Variants in MBP observed in about 807,000 individuals in gnomAD.
The protein encoded by MBP is Golli-MBP.
MBP carries 16 observed loss-of-function variants against 35.8 expected under a neutral mutation model. The observed-to-expected ratio is 0.45, with a 90% CI of 0.30 to 0.68. The LOEUF (loss-of-function observed/expected upper bound fraction) is 0.68, where lower values mean the gene tolerates loss of function less well. Ranked by LOEUF, MBP falls within the 30% of genes least tolerant of loss-of-function variation. The pLI, the probability that MBP is intolerant of heterozygous loss-of-function variation, is 0.08. For missense variants in MBP, 380 were observed against 404.7 expected, an observed-to-expected ratio of 0.94 and a Z score of 0.52; for synonymous variants, 143 against 159.6, an observed-to-expected ratio of 0.90 and a Z score of 0.78.
intron 4 of MBP, among the ~76,000 whole-genome samples, chr18:76,993,705 G>C (rs1837450934): frequency 6.6e-6 from 1 of 152,184 alleles, no homozygotes; most frequent in Non-Finnish European, 1.5e-5. Flanking sequence ...CTCAGGCACA[G>C]AGCGCAGCTC....
At position 76,980,401 on chromosome 18, in the gene MBP, A is replaced by G; in HGVS notation, c.*26T>C. 1.2e-6 allele frequency: 2 copies of G among 1,606,890 alleles called. No individual in the cohort carries two copies. The highest frequency in any genetic ancestry group is 1.7e-6 in the Non-Finnish European group (2 of 1,173,484). ...AGGCAGTTATATTAAGAAGCTGAGG[A>G]CAGGATTCCGGAACCAGGTGGGTTT... is the stretch of plus-strand genomic sequence containing the variant. On this transcript the variant is annotated 3_prime_UTR_variant, in exon 9 of 9. Transcript: ENST00000355994.
At chr18:77,012,107 G>T (rs1971387434) in intron 4 of MBP, among the ~76,000 whole-genome samples, 1 of 152,232 alleles carries the variant, frequency 6.6e-6, no homozygotes, top group Admixed American at 6.5e-5. Flanking sequence ...GACATGAAAG[G>T]CAGGACCGCA....
intron 3 of MBP, among the ~76,000 whole-genome samples, chr18:77,034,042 C>A: frequency 8.1e-6 from 1 of 123,394 alleles, no homozygotes; most frequent in Admixed American, 8.4e-5. Context: ...TGATTGTTAC[C>A]TAATGGGGCA....
At chr18:77,048,032 G>A (rs2144673848) in intron 3 of MBP, among the ~76,000 whole-genome samples, 1 of 152,304 alleles carries the variant, frequency 6.6e-6, no homozygotes. Flanking sequence ...TAAAAAATAG[G>A]CTAATTATCA....
intron 3 of MBP, among the ~76,000 whole-genome samples, chr18:77,040,016 T>G (rs573649949): frequency 3.3e-5 from 5 of 152,206 alleles, no homozygotes; most frequent in Non-Finnish European, 7.3e-5. Flanking sequence ...ATTACTCTGG[T>G]GATTGAGGAC....
At chr18:77,115,893 G>T (rs1447926889) in intron 1 of MBP, among the ~76,000 whole-genome samples, 4 of 151,062 alleles carry the variant, frequency 2.6e-5, no homozygotes, top group East Asian at 2.0e-4. Flanking sequence ...TCAAGGAAAA[G>T]AAGGCAATGT....
chr18:77,053,069 C>G (rs1305542606), intron 3 of MBP, among the ~76,000 whole-genome samples: 1 of 152,236 alleles, frequency 6.6e-6, no homozygotes, highest in East Asian at 1.9e-4. Flanking sequence ...AGAAGCCAAC[C>G]AATGCCGTGT....
At chr18:77,024,271 C>T (rs1010175029) in intron 3 of MBP, among the ~76,000 whole-genome samples, 1 of 151,936 alleles carries the variant, frequency 6.6e-6, no homozygotes, top group Admixed American at 6.5e-5. Flanking sequence ...TTTAGCTCAT[C>T]AACTATTGTT....
chr18:76,988,044 T>C lies in MBP; in HGVS notation c.750+451A>G. 1.4e-6 allele frequency: 2 copies of C among 1,411,554 alleles called. No individual in the cohort carries two copies. The highest frequency in any genetic ancestry group is 1.5e-5 in the South Asian group (1 of 67,652). The allele number at this position is 1,411,554 out of a possible 1,614,324, so 87.4% of individuals were successfully genotyped here. A position where few individuals can be genotyped will look rare whatever the true frequency, so the allele number is the denominator to read the frequency against. On this transcript the variant is annotated intron_variant, in intron 7 of 8. Coordinates refer to ENST00000355994, the MANE Select transcript of MBP (RefSeq NM_001025101.2). This position sits in a 1 kb window ranked among gnomAD's most constrained non-coding sequence, Gnocchi z 5.2. ...ATCGAGCAACTCTATTTAGCCTCTT[T>C]TTCTGTTCATCAGCAGAATCATTTT...
Position 77,021,292 on chromosome 18 carries a change from C to T in MBP, c.140-4024G>A, listed in dbSNP as rs553742126. 2.0e-5 allele frequency among the ~76,000 whole-genome samples: 3 copies of T among 152,332 alleles called. 1 individual carries two copies. Among genetic ancestry groups the T allele is most frequent in the African/African-American group, 7.2e-5 (3 of 41,570 alleles). On this transcript the variant is annotated intron_variant, in intron 3 of 8. Transcript: ENST00000355994. ...ACACACACCCACGTGTACACACACACACGCAAACAGGCAGAGCACCACCAG... is the reference window on the plus strand; with the variant it reads ...ACACACACCCACGTGTACACACACATACGCAAACAGGCAGAGCACCACCAG...
Position 76,980,043 on chromosome 18 carries a change from A to G in MBP, c.*384T>C, listed in dbSNP as rs781412529. 1 of 702,466 alleles carries G rather than the reference A, an allele frequency of 1.4e-6. No homozygotes were observed. The highest frequency in any genetic ancestry group is 2.6e-6 in the Non-Finnish European group (1 of 384,988). 43.5% of individuals were successfully genotyped at this position (702,466 alleles called of 1,614,324 possible). A position where few individuals can be genotyped will look rare whatever the true frequency, so the allele number is the denominator to read the frequency against. ...TCTGTCTCTGCAGCTGTGTGCCTCC[A>G]TGGCAGTGACCAGCAAAAGCGCAAG... On this transcript the variant is annotated 3_prime_UTR_variant, in exon 9 of 9. Coordinates refer to ENST00000355994, the MANE Select transcript of MBP (RefSeq NM_001025101.2).
In MBP at chr18:77,077,343, G is replaced by A. The variant is rs185530088; in HGVS notation, c.52-10958C>T. On this transcript the variant is annotated intron_variant, in intron 2 of 8. Transcript: ENST00000355994. ...CTGCACTCCAGCCAGGGCAACAAGA[G>A]TGAGACTCCGTCGCAAAAAAAAAAA... 5.4e-5 allele frequency among the ~76,000 whole-genome samples: 7 copies of A among 130,784 alleles called. No homozygotes were observed. The East Asian group carries it at 1.6e-3, about 29-fold the overall frequency. The allele number at this position is 130,784 out of a possible 152,430, so 85.8% of individuals were successfully genotyped here. A position where few individuals can be genotyped will look rare whatever the true frequency, so the allele number is the denominator to read the frequency against.
chr18:76,980,492 G>GT, intron 8 of MBP, 21 bp from the exon 9 acceptor site: 3 of 1,609,424 alleles, frequency 1.9e-6, no homozygotes, highest in Non-Finnish European at 2.6e-6. Context: ...AGAGAGAGGA[G>GT]TTAGGACGAG....
intron 1 of MBP, among the ~76,000 whole-genome samples, chr18:77,123,726 G>C (rs930505871): frequency 6.6e-6 from 1 of 152,246 alleles, no homozygotes; most frequent in Non-Finnish European, 1.5e-5. Flanking sequence ...CTGGTGAGCA[G>C]GTCAGGGGGC....
At chr18:77,099,913 G>A (rs776028397) in intron 2 of MBP, among the ~76,000 whole-genome samples, 38 of 152,372 alleles carry the variant, frequency 2.5e-4, no homozygotes, top group Non-Finnish European at 4.7e-4. Flanking sequence ...GGCAGAGACT[G>A]CGTGTGGCTG....
At chr18:77,029,167 G>C (rs1313503863) in intron 3 of MBP, among the ~76,000 whole-genome samples, 1 of 123,108 alleles carries the variant, frequency 8.1e-6, no homozygotes, top group African/African-American at 2.6e-5. Context: ...CCGGCACCTC[G>C]GGAGGCCGAG....
intron 3 of MBP, among the ~76,000 whole-genome samples, chr18:77,031,788 T>C (rs994629224): frequency 2.0e-5 from 3 of 152,196 alleles, no homozygotes; most frequent in Admixed American, 6.5e-5. Flanking sequence ...GCCTCTCCAT[T>C]TGGCCACCTT....
intron 3 of MBP, among the ~76,000 whole-genome samples, chr18:77,033,371 T>C (rs1460397535): frequency 6.6e-6 from 1 of 152,160 alleles, no homozygotes; most frequent in Non-Finnish European, 1.5e-5. Flanking sequence ...AAAACTGATA[T>C]AACAGCTGGA....
At chr18:77,081,065 T>G (rs1391075043) in intron 2 of MBP, among the ~76,000 whole-genome samples, 1 of 152,150 alleles carries the variant, frequency 6.6e-6, no homozygotes, top group Non-Finnish European at 1.5e-5. Flanking sequence ...AACTCAACTT[T>G]TAAAACAATA....
Sources: gnomAD v4.1 joint callset for allele counts (sites outside exome capture counted in the v4.1 genomes callset) on GRCh38, gnomAD v4.1.1 for gene constraint, Gnocchi (gnomAD v3.1) non-coding constraint, MANE v1.5 for transcripts, NCBI Gene and HGNC (gene_info 2026-07-23, HGNC 2026-07-21) for gene names.